Variants in ME1 observed in about 807,000 individuals in gnomAD.
The protein encoded by ME1 is malic enzyme 1.
In ME1, 74 loss-of-function variants were observed where a neutral mutation model predicts 66.4. The observed-to-expected ratio is 1.11, with a 90% CI of 0.92 to 1.35. The LOEUF (loss-of-function observed/expected upper bound fraction) is 1.35. Among genes scored for constraint, ME1 ranks in the 40% most tolerant of loss-of-function variants. The pLI is 0.00. For synonymous variants in ME1, 251 were observed against 235.6 expected (o/e 1.07, Z -0.60); for missense variants, 750 against 694.1 (o/e 1.08, Z -0.90).
At chr6:83,317,368 G>A (rs1768055154) in intron 5 of ME1, among the ~76,000 whole-genome samples, 1 of 151,848 alleles carries the variant, frequency 6.6e-6, no homozygotes, top group African/African-American at 2.4e-5. Context: ...TCTCCTTGAA[G>A]AGGTCCTTCA....
chr6:83,421,732 G>A (rs1186329149), intron 1 of ME1, among the ~76,000 whole-genome samples: 1 of 152,126 alleles, frequency 6.6e-6, no homozygotes, highest in Non-Finnish European at 1.5e-5. Context: ...GAAAGGGGGT[G>A]CTTAAAGGTC....
At chr6:83,310,761 AG>A (rs1767915012) in intron 6 of ME1, among the ~76,000 whole-genome samples, 1 of 152,170 alleles carries the variant, frequency 6.6e-6, no homozygotes, top group Non-Finnish European at 1.5e-5. Flanking sequence ...AAACACAAAA[AG>A]CTCAGAGAAA....
At chr6:83,418,304 C>T (rs1270830980) in intron 1 of ME1, among the ~76,000 whole-genome samples, 1 of 152,078 alleles carries the variant, frequency 6.6e-6, no homozygotes, top group African/African-American at 2.4e-5. Flanking sequence ...AGCTAGAGAC[C>T]CAAGAGAGCC....
At chr6:83,315,875 C>A (rs1053074508) in intron 5 of ME1, among the ~76,000 whole-genome samples, 1 of 151,714 alleles carries the variant, frequency 6.6e-6, no homozygotes, top group Non-Finnish European at 1.5e-5. Flanking sequence ...CCAGCCTGGG[C>A]AACAGAAGGA....
At chr6:83,274,517 A>C (rs1389893846) in intron 6 of ME1, among the ~76,000 whole-genome samples, 3 of 152,222 alleles carry the variant, frequency 2.0e-5, no homozygotes, top group Admixed American at 6.5e-5. Flanking sequence ...GGATTCATAA[A>C]AGGTTGTTTC....
At chr6:83,273,541 AC>A (rs1241577205) in intron 6 of ME1, among the ~76,000 whole-genome samples, 3 of 152,184 alleles carry the variant, frequency 2.0e-5, no homozygotes, top group Non-Finnish European at 4.4e-5. Context: ...TATTCCATGA[AC>A]TAAAACAACA....
intron 1 of ME1, among the ~76,000 whole-genome samples, chr6:83,426,033 C>T (rs1300423757): frequency 1.3e-5 from 2 of 152,156 alleles, no homozygotes; most frequent in South Asian, 2.1e-4. Flanking sequence ...AAAGCAAGTT[C>T]AGCCCTCTCT....
intron 6 of ME1, among the ~76,000 whole-genome samples, chr6:83,259,620 A>G (rs1766844845): frequency 6.6e-6 from 1 of 152,190 alleles, no homozygotes; most frequent in Non-Finnish European, 1.5e-5. Flanking sequence ...AGAATAAGTA[A>G]TCCGAAGTTG....
intron 12 of ME1, among the ~76,000 whole-genome samples, chr6:83,219,722 T>C (rs1486650441): frequency 6.6e-6 from 1 of 150,462 alleles, no homozygotes; most frequent in Non-Finnish European, 1.5e-5. Flanking sequence ...AACAGCTGTG[T>C]GCCATCATGC....
At chr6:83,275,825 T>G (rs753805988) in intron 6 of ME1, among the ~76,000 whole-genome samples, 1 of 121,398 alleles carries the variant, frequency 8.2e-6, no homozygotes, top group Non-Finnish European at 1.6e-5. Context: ...CAGGCTGGAG[T>G]GCAGTGGCGC....
chr6:83,349,700 C>T (rs906123206), intron 4 of ME1, among the ~76,000 whole-genome samples: 2 of 152,120 alleles, frequency 1.3e-5, no homozygotes, highest in Admixed American at 1.3e-4. Context: ...TCAAATATTA[C>T]TTATATAATT....
intron 12 of ME1, among the ~76,000 whole-genome samples, chr6:83,220,975 A>C (rs1790081479): frequency 6.6e-6 from 1 of 152,164 alleles, no homozygotes; most frequent in South Asian, 2.1e-4. Flanking sequence ...TCTGGCCAAC[A>C]TGGTGAAACC....
At chr6:83,218,596 T>C (rs1362186334) in intron 12 of ME1, among the ~76,000 whole-genome samples, 1 of 152,174 alleles carries the variant, frequency 6.6e-6, no homozygotes, top group Admixed American at 6.5e-5. Flanking sequence ...CCTGGGGACC[T>C]GAAGAAGTGT....
intron 11 of ME1, among the ~76,000 whole-genome samples, chr6:83,224,611 G>A (rs907152522): frequency 4.7e-5 from 7 of 149,236 alleles, no homozygotes; most frequent in Admixed American, 1.3e-4. Flanking sequence ...TTGAACTCAG[G>A]AGGCAGAGGT....
At chr6:83,357,192 T>C (rs1431985802) in intron 3 of ME1, among the ~76,000 whole-genome samples, 1 of 152,190 alleles carries the variant, frequency 6.6e-6, no homozygotes, top group Non-Finnish European at 1.5e-5. Context: ...GGTGGCACCA[T>C]TGCCGACCGG....
At chr6:83,298,931 GTTTTTTTTTTTTTTTTTTT>G (rs61055748) in intron 6 of ME1, among the ~76,000 whole-genome samples, 42 of 22,498 alleles carry the variant, frequency 1.9e-3, no homozygotes, top group South Asian at 8.3e-3. Context: ...CTATGTGTCT[GTTTTTTTTTTTTTTTTTTT>G]TTTTTTTTTT....
chr6:83,392,910 G>T, intron 3 of ME1: 1 of 805,370 alleles, frequency 1.2e-6, no homozygotes. Flanking sequence ...GGTCATCCAT[G>T]ACAACTTTGG....
chr6:83,371,121 C>T (rs1769186471), intron 3 of ME1, among the ~76,000 whole-genome samples: 2 of 152,116 alleles, frequency 1.3e-5, no homozygotes, highest in Admixed American at 6.6e-5. Context: ...ATTGTTGTTG[C>T]TATAAACTTT....
At chr6:83,228,962 A>C (rs546422180) in intron 9 of ME1, 31 bp from the exon 10 acceptor site, 1 of 1,464,216 alleles carries the variant, frequency 6.8e-7, no homozygotes, top group Non-Finnish European at 9.4e-7. Context: ...AAAATTAAGA[A>C]TCTGCCAAAC....
Sources: allele counts gnomAD v4.1 joint callset (sites outside exome capture counted in the v4.1 genomes callset), GRCh38; gene constraint gnomAD v4.1.1; transcripts MANE v1.5; gene names NCBI Gene and HGNC (gene_info 2026-07-23, HGNC 2026-07-21).